Variants in TFAM observed in about 807,000 individuals in gnomAD.
TFAM encodes the protein mitochondrial transcription factor 1.
A neutral mutation model predicts 30.6 loss-of-function variants in TFAM; 13 were observed. That is an observed-to-expected ratio of 0.42 (90% CI 0.28 to 0.67). The LOEUF (loss-of-function observed/expected upper bound fraction) is 0.67, where lower values mean the gene tolerates loss of function less well. Among genes scored for constraint, TFAM ranks in the 30% least tolerant of loss-of-function variants. The pLI is 0.21. For missense variants in TFAM, 231 were observed against 293.7 expected (o/e 0.79, Z 1.56); for synonymous variants, 106 against 94.8 (o/e 1.12, Z -0.69).
intron 1 of TFAM, 98 bp from the exon 2 acceptor site, chr10:58,386,122 C>T (rs1400510742): frequency 5.7e-6 from 5 of 871,724 alleles, no homozygotes; most frequent in Non-Finnish European, 2.0e-6. Context: ...TACATAGTAT[C>T]TTGATGACAT....
At position 58,385,468 on chromosome 10, in the gene TFAM, C is replaced by T. The variant is rs952742160; in HGVS notation, c.-80C>T. ...ACGCCGGAGGGTCGCACGCGGGTTCCAGTTGTGATTGCTGGAGTTGTGTAT... is the reference window on the plus strand; with the variant it reads ...ACGCCGGAGGGTCGCACGCGGGTTCTAGTTGTGATTGCTGGAGTTGTGTAT... On this transcript the variant is annotated 5_prime_UTR_variant, in exon 1 of 7. Coordinates refer to ENST00000487519, the MANE Select transcript of TFAM (RefSeq NM_003201.3). 2 of 1,097,074 alleles carry T rather than the reference C, an allele frequency of 1.8e-6. No homozygotes were observed. Among genetic ancestry groups the T allele is most frequent in the Middle Eastern group, 1.9e-4 (1 of 5,130 alleles). The allele number at this position is 1,097,074 out of a possible 1,614,324, so 68.0% of individuals were successfully genotyped here. A position where few individuals can be genotyped will look rare whatever the true frequency, so the allele number is the denominator to read the frequency against.
At chr10:58,394,504 C>G (rs780277174) in intron 6 of TFAM, 90 bp downstream of exon 6, 1 of 1,046,598 alleles carries the variant, frequency 9.6e-7, no homozygotes, top group East Asian at 2.4e-5. Flanking sequence ...GTGAAGACAA[C>G]CTTGTATTAC....
chr10:58,387,390 T>G (rs1002057418), intron 2 of TFAM, among the ~76,000 whole-genome samples: 11 of 152,166 alleles, frequency 7.2e-5, no homozygotes, highest in Non-Finnish European at 1.3e-4. Flanking sequence ...AAAAATCAAT[T>G]AATTGCACGC....
intron 5 of TFAM, among the ~76,000 whole-genome samples, chr10:58,391,207 AT>A (rs1382568891): frequency 2.0e-5 from 3 of 152,168 alleles, no homozygotes; most frequent in African/African-American, 4.8e-5. Context: ...AATATTTTCT[AT>A]GGGGAATTGA....
Position 58,390,771 on chromosome 10 carries a change from A to T in TFAM, c.448A>T (p.Thr150Ser). The T allele has an allele frequency of 6.2e-7, 1 of 1,612,362 alleles. No individual in the cohort carries two copies. The highest frequency in any genetic ancestry group is 8.5e-7 in the Non-Finnish European group (1 of 1,179,622). Residue 150 changes from threonine to serine, a missense_variant, in exon 5 of 7, where the codon ACA becomes TCA. Physicochemically the swap from Thr to Ser is moderately conservative, Grantham distance 58. Transcript: ENST00000487519. ...RKAMTKKKEL[T>S]LLGKPKRPRS... ...TCCAATTTTTTTAATTCAGGAGTTA[A>T]CACTGCTTGGAAAACCAAAAAGACC...
intron 5 of TFAM, 140 bp downstream of exon 5, chr10:58,391,000 A>G: frequency 1.3e-6 from 1 of 775,322 alleles, no homozygotes; most frequent in Non-Finnish European, 2.1e-6. Context: ...TTAAAGAAAA[A>G]TCTTTTTTCT....
At position 58,395,139 on chromosome 10, in the gene TFAM, G is replaced by A; in HGVS notation, c.*65G>A. The A allele has an allele frequency of 2.7e-6, 4 of 1,505,202 alleles. No individual in the cohort carries two copies. The highest frequency in any genetic ancestry group is 3.7e-6 in the Non-Finnish European group (4 of 1,085,290). The allele number at this position is 1,505,202 out of a possible 1,614,324, so 93.2% of individuals were successfully genotyped here. A position where few individuals can be genotyped will look rare whatever the true frequency, so the allele number is the denominator to read the frequency against. On this transcript the variant is annotated 3_prime_UTR_variant, in exon 7 of 7. Transcript: ENST00000487519. ...GGAAACCAGTTAGGTCTCAATACCT[G>A]AAGCTATCGTAAAATTAAGAAAGGA...
intron 4 of TFAM, among the ~76,000 whole-genome samples, chr10:58,389,938 C>T (rs1320312881): frequency 6.6e-6 from 1 of 152,114 alleles, no homozygotes; most frequent in Non-Finnish European, 1.5e-5. Flanking sequence ...CAAGTAAAAC[C>T]CTCAGGAGAG....
At position 58,394,336 on chromosome 10, in the gene TFAM, TTAAACA is replaced by T; in HGVS notation, c.538-19_538-14del. On this transcript the variant is annotated splice_polypyrimidine_tract_variant and intron_variant, in intron 5 of 6. Coordinates refer to ENST00000487519, the MANE Select transcript of TFAM (RefSeq NM_003201.3). ...CTGAAGTCCCCATATCTACCTTAAC[TTAAACA>T]TATATTGTTTTACAGGAAAAGCTGA... The T allele has an allele frequency of 6.3e-7, 1 of 1,595,338 alleles. No homozygotes were observed. The highest frequency in any genetic ancestry group is 8.6e-7 in the Non-Finnish European group (1 of 1,163,488).
At chr10:58,391,274 G>A (rs981682953) in intron 5 of TFAM, among the ~76,000 whole-genome samples, 1 of 152,096 alleles carries the variant, frequency 6.6e-6, no homozygotes, top group Non-Finnish European at 1.5e-5. Flanking sequence ...ATACCCATAG[G>A]GATGTGTTAT....
At chr10:58,394,890 A>G in intron 6 of TFAM, 38 bp from the exon 7 acceptor site, 1 of 1,581,494 alleles carries the variant, frequency 6.3e-7, no homozygotes. Flanking sequence ...TATCTCAAAA[A>G]ATAAGTAAAT....
rs1281835429 is a variant in TFAM at position 58,397,842 on chromosome 10, C to T, written c.*2768C>T. 1.3e-5 allele frequency: 2 copies of T among 152,074 alleles called. No individual in the cohort carries two copies. The highest frequency in any genetic ancestry group is 4.8e-5 in the African/African-American group (2 of 41,372). 9.4% of individuals were successfully genotyped at this position (152,074 alleles called of 1,614,324 possible). ...GGCATGGTGTGATCTTGGCTCACTG[C>T]AGCCTTGACCTCCTGGGCTCAAGTG... On this transcript the variant is annotated 3_prime_UTR_variant, in exon 7 of 7. Coordinates refer to ENST00000487519, the MANE Select transcript of TFAM (RefSeq NM_003201.3).
At chr10:58,393,542 A>T (rs1840631916) in intron 5 of TFAM, among the ~76,000 whole-genome samples, 1 of 152,054 alleles carries the variant, frequency 6.6e-6, no homozygotes, top group Non-Finnish European at 1.5e-5. Flanking sequence ...TTCATGTGGG[A>T]TTATCCTTTA....
chr10:58,386,170 T>C (rs1427594525), intron 1 of TFAM, 50 bp from the exon 2 acceptor site: 1 of 1,166,586 alleles, frequency 8.6e-7, no homozygotes, highest in African/African-American at 1.5e-5. Context: ...CATGTGAATA[T>C]TGACAGTTAA....
Position 58,395,102 on chromosome 10 carries a change from T to C in TFAM, c.*28T>C. 3 of 1,611,530 alleles carry C rather than the reference T, an allele frequency of 1.9e-6. No homozygotes were observed. In the South Asian group the frequency reaches 3.3e-5, roughly 18 times the overall value. On this transcript the variant is annotated 3_prime_UTR_variant, in exon 7 of 7. Coordinates refer to ENST00000487519, the MANE Select transcript of TFAM (RefSeq NM_003201.3). ...GTAGAAGATTGAGATGTGTTCACAA[T>C]GGATAGGCACAGGAAACCAGTTAGG...
chr10:58,386,110 G>A (rs1273330375), intron 1 of TFAM, 110 bp from the exon 2 acceptor site: 2 of 831,944 alleles, frequency 2.4e-6, no homozygotes, highest in African/African-American at 3.3e-5. Flanking sequence ...GAAGGCGTTG[G>A]ATACATAGTA....
At chr10:58,388,540 C>G in intron 3 of TFAM, 130 bp from the exon 4 acceptor site, 1 of 1,011,376 alleles carries the variant, frequency 9.9e-7, no homozygotes, top group Non-Finnish European at 1.6e-6. Flanking sequence ...TACATCTCAT[C>G]CCAGAGCACA....
intron 5 of TFAM, among the ~76,000 whole-genome samples, chr10:58,391,670 T>G (rs902074661): frequency 1.3e-5 from 2 of 151,990 alleles, no homozygotes; most frequent in Admixed American, 6.6e-5. Flanking sequence ...GTTGTCATGT[T>G]TCGATTCCCC....
intron 5 of TFAM, among the ~76,000 whole-genome samples, chr10:58,392,422 A>G (rs577523356): frequency 1.4e-5 from 2 of 143,612 alleles, no homozygotes; most frequent in African/African-American, 2.6e-5. Flanking sequence ...AACTCCTGCT[A>G]CATGTATATG....
Sources: gnomAD v4.1 joint callset for allele counts (sites outside exome capture counted in the v4.1 genomes callset) on GRCh38, gnomAD v4.1.1 for gene constraint, MANE v1.5 for transcripts, NCBI Gene and HGNC (gene_info 2026-07-23, HGNC 2026-07-21) for gene names.